The following SHANK2 variants were observed in gnomAD, a reference collection of about 807,000 sequenced individuals.
SHANK2 encodes SH3 and multiple ankyrin repeat domains protein 2.
In SHANK2, 43 loss-of-function variants were observed where a neutral mutation model predicts 133.7. The ratio of observed to expected loss-of-function variants is 0.32; its 90% CI spans 0.25 to 0.41. The LOEUF is 0.41. Among genes scored for constraint, SHANK2 ranks in the 10% least tolerant of loss-of-function variants. The pLI, the probability that SHANK2 is intolerant of heterozygous loss-of-function variation, is 1.00. For synonymous variants in SHANK2, 1,017 were observed against 952.8 expected (o/e 1.07, Z -1.24); for missense variants, 1,994 against 2,235.8 (o/e 0.89, Z 2.18).
At chr11:70,870,930 A>T (rs1165621207) in intron 11 of SHANK2, among the ~76,000 whole-genome samples, 1 of 152,134 alleles carries the variant, frequency 6.6e-6, no homozygotes, top group African/African-American at 2.4e-5. Context: ...GGCACCCGCC[A>T]CCACGCCCGG....
chr11:70,911,228 G>A (rs1054723828), intron 10 of SHANK2: 13 of 454,942 alleles, frequency 2.9e-5, no homozygotes, highest in Non-Finnish European at 4.4e-5. Context: ...TGTTCTTTTT[G>A]TTTTGTTTTG....
At chr11:70,873,041 G>A (rs777385111) in intron 11 of SHANK2, 4 of 471,116 alleles carry the variant, frequency 8.5e-6, no homozygotes, top group South Asian at 4.6e-5. Context: ...TAGTTCCCAC[G>A]TCCATCCTGG....
chr11:71,083,659 A>G (rs1951332270), intron 8 of SHANK2, among the ~76,000 whole-genome samples: 2 of 152,150 alleles, frequency 1.3e-5, no homozygotes, highest in Non-Finnish European at 2.9e-5. Context: ...CAAGGAAGGT[A>G]CCGGGGTTCA....
chr11:71,192,209 T>C (rs1298144933), intron 2 of SHANK2, among the ~76,000 whole-genome samples: 1 of 152,198 alleles, frequency 6.6e-6, no homozygotes, highest in Non-Finnish European at 1.5e-5. Context: ...TTAGGGTCCA[T>C]CCATATGACC....
intron 19 of SHANK2, 55 bp downstream of exon 19, chr11:70,502,151 C>A: frequency 6.6e-7 from 1 of 1,526,340 alleles, no homozygotes; most frequent in Non-Finnish European, 8.9e-7. Context: ...TTGCAAAGGG[C>A]AGCTCAGGGA....
At chr11:70,720,708 G>A (rs895206) in intron 14 of SHANK2, among the ~76,000 whole-genome samples, 66,289 of 152,156 alleles carry the variant, frequency 0.44, 15,405 homozygotes, top group African/African-American at 0.61. Flanking sequence ...GTGTTCTTGC[G>A]GTATACATGT....
intron 11 of SHANK2, among the ~76,000 whole-genome samples, chr11:70,854,633 G>C (rs946784590): frequency 5.3e-5 from 8 of 152,202 alleles, no homozygotes; most frequent in Admixed American, 5.2e-4. Context: ...ATGCAGAAGT[G>C]GCCCAAATGG....
intron 19 of SHANK2, 126 bp downstream of exon 19, chr11:70,502,080 C>A: frequency 7.6e-7 from 1 of 1,322,774 alleles, no homozygotes; most frequent in Non-Finnish European, 1.1e-6. Flanking sequence ...TGATGCACGT[C>A]TGGGTACAGG....
intron 21 of SHANK2, among the ~76,000 whole-genome samples, chr11:70,492,858 C>T (rs1236375508): frequency 3.3e-5 from 4 of 122,696 alleles, no homozygotes; most frequent in Non-Finnish European, 6.3e-5. Context: ...TGCAGTGGTG[C>T]AATCTTGGCT....
chr11:71,114,444 C>G (rs1951943487), intron 4 of SHANK2, among the ~76,000 whole-genome samples: 1 of 152,180 alleles, frequency 6.6e-6, no homozygotes, highest in Admixed American at 6.5e-5. Context: ...AATAAACAAC[C>G]CTAGTCTCCT....
chr11:71,232,207 C>T (rs1195221505), intron 1 of SHANK2, among the ~76,000 whole-genome samples: 1 of 152,054 alleles, frequency 6.6e-6, no homozygotes, highest in Non-Finnish European at 1.5e-5. Context: ...TGAGTGGTTA[C>T]CAGGGCTTAT....
chr11:70,648,587 G>C (rs1432397600), intron 17 of SHANK2, among the ~76,000 whole-genome samples: 4 of 152,274 alleles, frequency 2.6e-5, no homozygotes. Context: ...AAATTTCCTA[G>C]GACCAGGGGT....
chr11:71,066,710 C>T (rs886872175), intron 9 of SHANK2, among the ~76,000 whole-genome samples: 23 of 152,244 alleles, frequency 1.5e-4, no homozygotes, highest in African/African-American at 4.3e-4. Flanking sequence ...TGAAATAAGG[C>T]CTTTTGGGCA....
intron 2 of SHANK2, among the ~76,000 whole-genome samples, chr11:71,163,967 C>G (rs137989635): frequency 3.3e-4 from 50 of 152,284 alleles, no homozygotes; most frequent in African/African-American, 1.1e-3. Context: ...CAGAGAGTTC[C>G]CACTGATCTA....
chr11:70,653,849 G>A (rs553405688), intron 17 of SHANK2, among the ~76,000 whole-genome samples: 1 of 152,132 alleles, frequency 6.6e-6, no homozygotes, highest in African/African-American at 2.4e-5. Context: ...GGCCATGCTG[G>A]TCTCGAACTC....
intron 14 of SHANK2, among the ~76,000 whole-genome samples, chr11:70,782,054 T>C (rs186359660): frequency 1.2e-4 from 18 of 152,254 alleles, no homozygotes; most frequent in Non-Finnish European, 2.5e-4. Context: ...TAGGTGGGAA[T>C]TGAACAATGA....
rs571711750 is a variant in SHANK2 at position 70,596,521 on chromosome 11, C to CCTGTCCCT, written c.2061+63306_2061+63307insAGGGACAG. On this transcript the variant is annotated intron_variant, in intron 17 of 25. Transcript: ENST00000601538. ...TGGTCTGGGACCCACCCCCACCAGG[C>CCTGTCCCT]CTTGCTATGCCAAGAGGACTGCAGG... Among the ~76,000 whole-genome samples, 148 of 152,334 alleles carry CCTGTCCCT rather than the reference C, an allele frequency of 9.7e-4. 1 individual carries two copies. The highest frequency in any genetic ancestry group is 3.4e-3 in the African/African-American group (141 of 41,590).
chr11:70,566,763 T>G (rs2059973725), intron 17 of SHANK2: 1 of 152,212 alleles, frequency 6.6e-6, no homozygotes, highest in Non-Finnish European at 1.5e-5. Context: ...CAAGGGTGAT[T>G]AACAAGTAAT....
At chr11:70,523,249 C>T (rs1176691219) in intron 17 of SHANK2, among the ~76,000 whole-genome samples, 3 of 152,224 alleles carry the variant, frequency 2.0e-5, no homozygotes, top group Admixed American at 1.3e-4. Context: ...CACCTCAATG[C>T]GACTGGTTAC....
Sources: allele counts gnomAD v4.1 joint callset (sites outside exome capture counted in the v4.1 genomes callset), GRCh38; gene constraint gnomAD v4.1.1; transcripts MANE v1.5; gene names NCBI Gene and HGNC (gene_info 2026-07-23, HGNC 2026-07-21).